Variants in ZNF704 observed in about 807,000 individuals in gnomAD.
ZNF704 encodes zinc finger protein 704.
A neutral mutation model predicts 44.7 loss-of-function variants in ZNF704; 10 were observed. The ratio of observed to expected loss-of-function variants is 0.22; its 90% CI spans 0.14 to 0.38. The LOEUF (loss-of-function observed/expected upper bound fraction) is 0.38. Among genes scored for constraint, ZNF704 ranks in the 10% least tolerant of loss-of-function variants. ZNF704 has a pLI of 1.00. For synonymous variants in ZNF704, 211 were observed against 207.6 expected (o/e 1.02, Z -0.14); for missense variants, 390 against 545.5 (o/e 0.71, Z 2.84).
intron 2 of ZNF704, among the ~76,000 whole-genome samples, chr8:80,790,284 C>T (rs896155797): frequency 5.3e-5 from 8 of 152,058 alleles, no homozygotes; most frequent in South Asian, 2.1e-4. Context: ...GTTGTGACTC[C>T]GTGGCCTAGA....
rs573387001 is a variant in ZNF704, at chr8:80,777,828, G to A, written c.221+43546C>T. ...CAGGAGGCAGAGGTTGCATTGAGCCGAGATCGCGCCACTGCACTCCAGCCT... is the reference window on the plus strand; with the variant it reads ...CAGGAGGCAGAGGTTGCATTGAGCCAAGATCGCGCCACTGCACTCCAGCCT... On this transcript the variant is annotated intron_variant, in intron 2 of 8. Coordinates refer to ENST00000327835, the MANE Select transcript of ZNF704 (RefSeq NM_001033723.3). Among the ~76,000 whole-genome samples, 3 of 150,722 alleles carry A rather than the reference G, an allele frequency of 2.0e-5. No individual in the cohort carries two copies. In the East Asian group the frequency reaches 5.8e-4, roughly 29 times the overall value.
intron 2 of ZNF704, among the ~76,000 whole-genome samples, chr8:80,758,967 T>G (rs1807083553): frequency 6.6e-6 from 1 of 152,224 alleles, no homozygotes; most frequent in African/African-American, 2.4e-5. Context: ...ATATAGCAAG[T>G]AAGTGGCAAA....
At chr8:80,766,990 G>A (rs138214797) in intron 2 of ZNF704, among the ~76,000 whole-genome samples, 36 of 152,242 alleles carry the variant, frequency 2.4e-4, no homozygotes, top group Non-Finnish European at 4.9e-4. Flanking sequence ...TGGGATTATA[G>A]GCGTGAGCCA....
At chr8:80,856,524 T>A (rs1808964833) in intron 1 of ZNF704, among the ~76,000 whole-genome samples, 2 of 152,228 alleles carry the variant, frequency 1.3e-5, no homozygotes, top group Admixed American at 1.3e-4. Flanking sequence ...ATGATCCATT[T>A]TTAAATAATT....
intron 1 of ZNF704, among the ~76,000 whole-genome samples, chr8:80,824,637 C>T (rs982459007): frequency 3.9e-5 from 6 of 152,048 alleles, no homozygotes; most frequent in Non-Finnish European, 8.8e-5. Flanking sequence ...TTCACCAAAG[C>T]TGAAATGAAG....
chr8:80,794,179 T>C (rs1015195994), intron 2 of ZNF704, among the ~76,000 whole-genome samples: 19 of 152,226 alleles, frequency 1.2e-4, no homozygotes, highest in Middle Eastern at 6.8e-3. Flanking sequence ...TATATAACCA[T>C]AGAGGAAGAG....
At chr8:80,779,680 A>C (rs1349716305) in intron 2 of ZNF704, among the ~76,000 whole-genome samples, 2 of 151,952 alleles carry the variant, frequency 1.3e-5, no homozygotes, top group African/African-American at 4.8e-5. Flanking sequence ...TACTAATAAT[A>C]CATTTCACAT....
intron 2 of ZNF704, among the ~76,000 whole-genome samples, chr8:80,793,314 T>C (rs1055335413): frequency 3.3e-5 from 5 of 152,178 alleles, no homozygotes; most frequent in Admixed American, 6.5e-5. Context: ...ACACCAAGTA[T>C]TGATGGGTCT....
chr8:80,833,664 T>A (rs961526842), intron 1 of ZNF704, among the ~76,000 whole-genome samples: 1 of 152,180 alleles, frequency 6.6e-6, no homozygotes, highest in African/African-American at 2.4e-5. Context: ...GTACATACAT[T>A]ATTTTTCTAT....
intron 1 of ZNF704, among the ~76,000 whole-genome samples, chr8:80,855,091 T>C (rs564850522): frequency 5.3e-5 from 8 of 152,148 alleles, no homozygotes; most frequent in Non-Finnish European, 5.9e-5. Context: ...CCTCACTAAA[T>C]TGAATGTTCC....
chr8:80,772,844 T>C (rs1475161777), intron 2 of ZNF704, among the ~76,000 whole-genome samples: 1 of 152,240 alleles, frequency 6.6e-6, no homozygotes, highest in African/African-American at 2.4e-5. Context: ...CTTTGGGTTC[T>C]CAAGGTGAAA....
intron 6 of ZNF704, 95 bp downstream of exon 6, chr8:80,664,720 G>C: frequency 2.0e-6 from 3 of 1,497,696 alleles, no homozygotes; most frequent in Admixed American, 1.8e-5. Context: ...GTGTGATGCT[G>C]TTTTTCCACT....
intron 2 of ZNF704, among the ~76,000 whole-genome samples, chr8:80,748,564 C>G (rs1041650475): frequency 6.6e-6 from 1 of 152,178 alleles, no homozygotes; most frequent in African/African-American, 2.4e-5. Flanking sequence ...CAACGTCGTT[C>G]TTTTTTTAAA....
chr8:80,666,097 A>G lies in ZNF704; in HGVS notation c.660-1015T>C, dbSNP rs1411368853. 2.0e-5 allele frequency among the ~76,000 whole-genome samples: 3 copies of G among 150,098 alleles called. No individual in the cohort carries two copies. The East Asian group carries it at 6.0e-4, about 30-fold the overall frequency. Reference sequence around the variant, plus strand: ...TCATCTAGCATTAGGTATATCTCCCAACGCTATCCCTTCCCCCGCCCCCCA... The same window carrying G: ...TCATCTAGCATTAGGTATATCTCCCGACGCTATCCCTTCCCCCGCCCCCCA... On this transcript the variant is annotated intron_variant, in intron 5 of 8. Transcript: ENST00000327835.
At chr8:80,865,566 T>C (rs1170264910) in intron 1 of ZNF704, among the ~76,000 whole-genome samples, 1 of 152,246 alleles carries the variant, frequency 6.6e-6, no homozygotes, top group African/African-American at 2.4e-5. Flanking sequence ...TATACAACCT[T>C]TTAAAACACT....
chr8:80,749,871 G>A (rs1442457059), intron 2 of ZNF704, among the ~76,000 whole-genome samples: 5 of 152,326 alleles, frequency 3.3e-5, no homozygotes, highest in Admixed American at 6.5e-5. Flanking sequence ...AACTGAACCA[G>A]GGATGGACCC....
intron 2 of ZNF704, among the ~76,000 whole-genome samples, chr8:80,706,338 A>AT (rs1235610340): frequency 3.9e-5 from 6 of 152,064 alleles, no homozygotes; most frequent in Admixed American, 3.3e-4. Flanking sequence ...AAATAAGGTG[A>AT]TTTTTTTCCC....
intron 2 of ZNF704, among the ~76,000 whole-genome samples, chr8:80,711,066 C>A (rs1818978348): frequency 6.6e-6 from 1 of 152,144 alleles, no homozygotes; most frequent in Non-Finnish European, 1.5e-5. Context: ...CCTGGGTGAG[C>A]TTGGGGTATG....
chr8:80,719,670 T>C (rs925622704), intron 2 of ZNF704, among the ~76,000 whole-genome samples: 1 of 152,234 alleles, frequency 6.6e-6, no homozygotes, highest in African/African-American at 2.4e-5. Flanking sequence ...CTTTTCACTA[T>C]GAATTTTAGT....
Sources: gnomAD v4.1 joint callset for allele counts (sites outside exome capture counted in the v4.1 genomes callset) on GRCh38, gnomAD v4.1.1 for gene constraint, MANE v1.5 for transcripts, NCBI Gene and HGNC (gene_info 2026-07-23, HGNC 2026-07-21) for gene names.